AKT3: variants seen among roughly 807,000 people sequenced by gnomAD.
The protein encoded by AKT3 is RAC-gamma serine/threonine-protein kinase.
AKT3 carries 15 observed loss-of-function variants against 65.3 expected under a neutral mutation model. That is an observed-to-expected ratio of 0.23 (90% CI 0.15 to 0.35). AKT3 has a LOEUF of 0.35. Among genes scored for constraint, AKT3 ranks in the 10% least tolerant of loss-of-function variants. The pLI is 1.00. For missense variants in AKT3, 243 were observed against 576.5 expected, an observed-to-expected ratio of 0.42 and a Z score of 5.92; for synonymous variants, 206 against 183.8, an observed-to-expected ratio of 1.12 and a Z score of -0.98.
At chr1:243,670,625 C>T (rs527897640) in intron 3 of AKT3, among the ~76,000 whole-genome samples, 11 of 152,242 alleles carry the variant, frequency 7.2e-5, no homozygotes, top group African/African-American at 1.7e-4. Context: ...TGATTATCTA[C>T]GATTTTTAGA....
At chr1:243,688,476 A>C (rs1684483230) in intron 3 of AKT3, among the ~76,000 whole-genome samples, 1 of 152,192 alleles carries the variant, frequency 6.6e-6, no homozygotes, top group Non-Finnish European at 1.5e-5. Context: ...TTGCAAAGGA[A>C]CTTTTTTTGG....
chr1:243,743,871 T>C lies in AKT3; in HGVS notation c.47-48155A>G, dbSNP rs186721770. Among the ~76,000 whole-genome samples the C allele has an allele frequency of 3.9e-3, 598 of 152,172 alleles. 8 individuals are homozygous for C. Among genetic ancestry groups the C allele is most frequent in the Non-Finnish European group, 3.6e-3 (245 of 67,988 alleles). On this transcript the variant is annotated intron_variant, in intron 2 of 13. Coordinates refer to ENST00000673466, the MANE Select transcript of AKT3 (RefSeq NM_005465.7). ...TACCAACAATATCACCAAGTGTTGG[T>C]GAAGATATAGAACAAATGAAACTTA...
intron 2 of AKT3, among the ~76,000 whole-genome samples, chr1:243,802,055 C>A (rs1692410271): frequency 6.6e-6 from 1 of 152,150 alleles, no homozygotes; most frequent in South Asian, 2.1e-4. Context: ...TACATTATTT[C>A]CTTTGGTTTT....
chr1:243,840,054 C>G (rs550506610), intron 2 of AKT3, among the ~76,000 whole-genome samples: 2 of 152,062 alleles, frequency 1.3e-5, no homozygotes, highest in East Asian at 3.9e-4. Flanking sequence ...TGGTGGCATC[C>G]CAGCTACTCG....
At chr1:243,750,770 C>T (rs1215166292) in intron 2 of AKT3, among the ~76,000 whole-genome samples, 1 of 151,800 alleles carries the variant, frequency 6.6e-6, no homozygotes, top group Non-Finnish European at 1.5e-5. Context: ...TTAGTAGAGA[C>T]GGAGTTTCAC....
chr1:243,585,789 A>G (rs753937167), intron 8 of AKT3, among the ~76,000 whole-genome samples: 10 of 152,322 alleles, frequency 6.6e-5, no homozygotes, highest in Admixed American at 2.0e-4. Flanking sequence ...TAAGAATCCT[A>G]GAAGAAAATC....
At chr1:243,508,523 C>T (rs1389122105) in intron 13 of AKT3, among the ~76,000 whole-genome samples, 1 of 152,130 alleles carries the variant, frequency 6.6e-6, no homozygotes, top group African/African-American at 2.4e-5. Flanking sequence ...GTCCATAGCG[C>T]CCTCCCCACC....
intron 2 of AKT3, among the ~76,000 whole-genome samples, chr1:243,787,417 G>A (rs181943296): frequency 6.6e-6 from 1 of 152,184 alleles, no homozygotes; most frequent in East Asian, 1.9e-4. Flanking sequence ...TTCAGTGACT[G>A]CCAGTTGAGG....
intron 8 of AKT3, among the ~76,000 whole-genome samples, chr1:243,608,084 A>G (rs367806957): frequency 1.7e-4 from 26 of 152,344 alleles, no homozygotes; most frequent in Admixed American, 6.5e-4. Flanking sequence ...GAACTAATAC[A>G]GGCAATTTCA....
chr1:243,492,765 G>A (rs1206319735), intron 13 of AKT3, among the ~76,000 whole-genome samples: 7 of 151,206 alleles, frequency 4.6e-5, no homozygotes, highest in African/African-American at 1.7e-4. Context: ...CTGCCACCAC[G>A]CCTGGCTAAT....
rs139078273 is a variant in AKT3, at chr1:243,815,288, G to C, written c.46+27837C>G. ...TTCTGATAAGAAATCTCCTTAGCTAGATCACTTCATTCATAGGTTACATTT... is the reference window on the plus strand; with the variant it reads ...TTCTGATAAGAAATCTCCTTAGCTACATCACTTCATTCATAGGTTACATTT... On this transcript the variant is annotated intron_variant, in intron 2 of 13. Transcript: ENST00000673466. Among the ~76,000 whole-genome samples, 380 of 152,230 alleles carry C rather than the reference G, an allele frequency of 2.5e-3. 1 individual carries two copies. Among genetic ancestry groups the C allele is most frequent in the African/African-American group, 8.4e-3 (349 of 41,526 alleles).
intron 9 of AKT3, among the ~76,000 whole-genome samples, chr1:243,564,724 A>AG (rs1674029870): frequency 6.6e-6 from 1 of 152,196 alleles, no homozygotes; most frequent in Admixed American, 6.5e-5. Flanking sequence ...TTATGTATTC[A>AG]GGGCCCATAA....
At position 243,501,529 on chromosome 1, in the gene AKT3, GA is replaced by G. The variant is rs1262118660; in HGVS notation, c.*3719del. 4.3e-6 allele frequency: 1 copy of G among 233,106 alleles called. No homozygotes were observed. The highest frequency in any genetic ancestry group is 2.2e-5 in the African/African-American group (1 of 45,328). 14.4% of individuals were successfully genotyped at this position (233,106 alleles called of 1,614,324 possible). Reference sequence around the variant, plus strand: ...GCTGAGAGGTCAGCGTTTCCCCTCAGAAGCAGCCGTTCATCAAAGTTTGCAC... The same window carrying G: ...GCTGAGAGGTCAGCGTTTCCCCTCAGAGCAGCCGTTCATCAAAGTTTGCAC... On this transcript the variant is annotated 3_prime_UTR_variant, in exon 14 of 14. Coordinates refer to ENST00000673466, the MANE Select transcript of AKT3 (RefSeq NM_005465.7).
intron 12 of AKT3, among the ~76,000 whole-genome samples, chr1:243,524,226 A>G (rs932226571): frequency 6.6e-6 from 1 of 152,254 alleles, no homozygotes; most frequent in Non-Finnish European, 1.5e-5. Flanking sequence ...TATGTTGTGC[A>G]TGACTTACAG....
Position 243,785,507 on chromosome 1 carries a change from T to C in AKT3, c.46+57618A>G, listed in dbSNP as rs112705583. Among the ~76,000 whole-genome samples, 29 of 152,282 alleles carry C rather than the reference T, an allele frequency of 1.9e-4. 2 individuals are homozygous for C. The highest frequency in any genetic ancestry group is 7.0e-4 in the African/African-American group (29 of 41,562). ...AGAACTAAAGTTTCAGCTTCACAAC[T>C]ATTGGTGATGCTATGTAAATGTCTC... On this transcript the variant is annotated intron_variant, in intron 2 of 13. Coordinates refer to ENST00000673466, the MANE Select transcript of AKT3 (RefSeq NM_005465.7).
chr1:243,613,109 C>G (rs1678011887), intron 8 of AKT3: 2 of 113,718 alleles, frequency 1.8e-5, no homozygotes, highest in African/African-American at 3.2e-5. Context: ...ACATATATAC[C>G]CACCCATATA....
Position 243,550,789 on chromosome 1 carries a change from C to CAAAAAAAA in AKT3, c.1163+1932_1163+1939dup, listed in dbSNP as rs60834632. 2.1e-4 allele frequency among the ~76,000 whole-genome samples: 7 copies of CAAAAAAAA among 33,686 alleles called. 1 individual carries two copies. Among genetic ancestry groups the CAAAAAAAA allele is most frequent in the Non-Finnish European group, 2.5e-4 (5 of 19,856 alleles). The allele number at this position is 33,686 out of a possible 152,430, so 22.1% of individuals were successfully genotyped here. On this transcript the variant is annotated intron_variant, in intron 11 of 13. Transcript: ENST00000673466. ...TGAAACCCCATCTCTACTAAAATAC[C>CAAAAAAAA]AAAAAAAAAAAAAAAAAAAAAAAGC...
intron 2 of AKT3, among the ~76,000 whole-genome samples, chr1:243,838,399 C>T (rs1015830719): frequency 2.6e-5 from 4 of 152,040 alleles, no homozygotes; most frequent in African/African-American, 7.2e-5. Flanking sequence ...AAGCTTGCTG[C>T]TGGGTAGTAA....
intron 2 of AKT3, among the ~76,000 whole-genome samples, chr1:243,772,567 G>T (rs1210064246): frequency 1.3e-5 from 2 of 152,188 alleles, no homozygotes; most frequent in African/African-American, 4.8e-5. Context: ...GGAGAAACAG[G>T]AACACTTTTA....
Sources: allele counts gnomAD v4.1 joint callset (sites outside exome capture counted in the v4.1 genomes callset), GRCh38; gene constraint gnomAD v4.1.1; transcripts MANE v1.5; gene names NCBI Gene and HGNC (gene_info 2026-07-23, HGNC 2026-07-21).